The following PARM1 variants were observed in gnomAD, a reference collection of about 807,000 sequenced individuals.
The protein encoded by PARM1 is WSC4, cell wall integrity and stress response component 4 homolog.
Under a neutral mutation model 24.6 loss-of-function variants are expected in PARM1, and 14 were observed. The ratio of observed to expected loss-of-function variants is 0.57; its 90% confidence interval spans 0.38 to 0.89. PARM1 has a LOEUF of 0.89. PARM1 is among the 40% of genes least tolerant of loss of function. PARM1 has a pLI of 0.00. For missense variants in PARM1, 362 were observed against 380.4 expected (o/e 0.95, Z 0.40); for synonymous variants, 179 against 156.6 (o/e 1.14, Z -1.07).
chr4:75,019,988 C>T (rs553316653), intron 2 of PARM1, among the ~76,000 whole-genome samples: 17 of 115,636 alleles, frequency 1.5e-4, no homozygotes, highest in Non-Finnish European at 2.5e-4. Flanking sequence ...CCGGCCTGGG[C>T]GACAGAACGA....
At chr4:74,958,142 T>C (rs982946104) in intron 1 of PARM1, among the ~76,000 whole-genome samples, 2 of 152,182 alleles carry the variant, frequency 1.3e-5, no homozygotes, top group Non-Finnish European at 2.9e-5. Flanking sequence ...CATCTAAAAC[T>C]GCGTGTTCCA....
intron 1 of PARM1, among the ~76,000 whole-genome samples, chr4:74,966,572 A>T (rs1004747295): frequency 6.6e-6 from 1 of 152,154 alleles, no homozygotes; most frequent in African/African-American, 2.4e-5. Context: ...TCTTGCTGAG[A>T]CTGGACTAGG....
chr4:75,038,110 T>A (rs900726505), intron 3 of PARM1, among the ~76,000 whole-genome samples: 1 of 152,130 alleles, frequency 6.6e-6, no homozygotes, highest in Non-Finnish European at 1.5e-5. Flanking sequence ...AGAGACGGGG[T>A]TTCACCATGT....
chr4:74,971,611 C>G (rs1278294640), intron 1 of PARM1, among the ~76,000 whole-genome samples: 1 of 152,062 alleles, frequency 6.6e-6, no homozygotes, highest in Non-Finnish European at 1.5e-5. Flanking sequence ...TGATGAAATA[C>G]AGTCATGTTT....
intron 1 of PARM1, among the ~76,000 whole-genome samples, chr4:74,945,459 T>C (rs1721395417): frequency 6.6e-6 from 1 of 152,208 alleles, no homozygotes; most frequent in Admixed American, 6.5e-5. Context: ...AAAATAAGAT[T>C]TTAGAGAAGC....
chr4:74,948,333 A>G (rs1232049771), intron 1 of PARM1, among the ~76,000 whole-genome samples: 1 of 152,196 alleles, frequency 6.6e-6, no homozygotes, highest in Non-Finnish European at 1.5e-5. Context: ...AATCTCATGT[A>G]AACGTTAGTC....
intron 1 of PARM1, among the ~76,000 whole-genome samples, chr4:75,009,539 A>G (rs979001342): frequency 6.6e-6 from 1 of 152,216 alleles, no homozygotes; most frequent in African/African-American, 2.4e-5. Flanking sequence ...TCATAGGCAT[A>G]TGTTATGTTG....
Position 75,046,991 on chromosome 4 carries a change from A to G in PARM1, c.*744A>G, listed in dbSNP as rs377680041. 2.6e-5 allele frequency: 4 copies of G among 152,580 alleles called. No individual in the cohort carries two copies. Among genetic ancestry groups the G allele is most frequent in the African/African-American group, 2.4e-5 (1 of 41,570 alleles). The allele number at this position is 152,580 out of a possible 1,614,324, so 9.5% of individuals were successfully genotyped here. On this transcript the variant is annotated 3_prime_UTR_variant, in exon 4 of 4. Coordinates refer to ENST00000307428, the MANE Select transcript of PARM1 (RefSeq NM_015393.4). ...AAGGCAGCTGGGATCCCAGCCCACAAGTGATCAGCAGAGTTGCATTTCCAA... is the reference window on the plus strand; with the variant it reads ...AAGGCAGCTGGGATCCCAGCCCACAGGTGATCAGCAGAGTTGCATTTCCAA...
Position 75,047,878 on chromosome 4 carries a change from G to A in PARM1, c.*1631G>A, listed in dbSNP as rs2109820597. On this transcript the variant is annotated 3_prime_UTR_variant, in exon 4 of 4. Transcript: ENST00000307428. Reference sequence around the variant, plus strand: ...CCTTTTTATTTCTGTGTGCTTCCTAGAGAGCTTTATTTCATGGCGACAACT... The same window carrying A: ...CCTTTTTATTTCTGTGTGCTTCCTAAAGAGCTTTATTTCATGGCGACAACT... 6.6e-6 allele frequency: 1 copy of A among 152,276 alleles called. No homozygotes were observed. The allele number at this position is 152,276 out of a possible 1,614,324, so 9.4% of individuals were successfully genotyped here.
chr4:74,980,167 A>T (rs185728849), intron 1 of PARM1, among the ~76,000 whole-genome samples: 1 of 152,316 alleles, frequency 6.6e-6, no homozygotes, highest in African/African-American at 2.4e-5. Flanking sequence ...GAAGAGAAAA[A>T]GTCAAACTGT....
Position 74,952,942 on chromosome 4 carries a change from C to T in PARM1, c.43+19572C>T, listed in dbSNP as rs568533972. ...TCTTTAAAAGAAGGAGACCAAATAACATTGAAATAATTTCTTAAGAGAAAA... is the reference window on the plus strand; with the variant it reads ...TCTTTAAAAGAAGGAGACCAAATAATATTGAAATAATTTCTTAAGAGAAAA... On this transcript the variant is annotated intron_variant, in intron 1 of 3. Coordinates refer to ENST00000307428, the MANE Select transcript of PARM1 (RefSeq NM_015393.4). Among the ~76,000 whole-genome samples, 179 of 152,286 alleles carry T rather than the reference C, an allele frequency of 1.2e-3. 1 individual carries two copies. The highest frequency in any genetic ancestry group is 4.1e-3 in the African/African-American group (171 of 41,562).
chr4:74,941,335 G>A (rs933400525), intron 1 of PARM1, among the ~76,000 whole-genome samples: 7 of 152,088 alleles, frequency 4.6e-5, no homozygotes, highest in African/African-American at 7.2e-5. Flanking sequence ...ATCAAATTAC[G>A]TGCAGAAATG....
At chr4:74,936,554 C>T (rs934352974) in intron 1 of PARM1, among the ~76,000 whole-genome samples, 2 of 151,340 alleles carry the variant, frequency 1.3e-5, no homozygotes, top group East Asian at 1.9e-4. Context: ...CCCGGGTTCA[C>T]GCCATTCTCC....
Position 75,048,209 on chromosome 4 carries a change from T to G in PARM1, c.*1962T>G, listed in dbSNP as rs2109820877. On this transcript the variant is annotated 3_prime_UTR_variant, in exon 4 of 4. Transcript: ENST00000307428. ...CAACCTGCCAACCCACACACTGGAG[T>G]AATTCTGAAAAAAATTATTCCTAAA... is the stretch of plus-strand genomic sequence containing the variant. 1 of 152,074 alleles carries G rather than the reference T, an allele frequency of 6.6e-6. No individual in the cohort carries two copies. The allele number at this position is 152,074 out of a possible 1,614,324, so 9.4% of individuals were successfully genotyped here.
chr4:74,958,314 T>G (rs1239504173), intron 1 of PARM1, among the ~76,000 whole-genome samples: 2 of 152,208 alleles, frequency 1.3e-5, no homozygotes, highest in Admixed American at 6.5e-5. Flanking sequence ...TCATCTTTAA[T>G]GTACTAACAG....
chr4:75,014,727 G>A (rs1368257152), intron 2 of PARM1, among the ~76,000 whole-genome samples: 1 of 152,202 alleles, frequency 6.6e-6, no homozygotes, highest in African/African-American at 2.4e-5. Context: ...AGAGAAGGGT[G>A]GAGAGTGGAT....
At chr4:74,989,629 G>T (rs1722425131) in intron 1 of PARM1, among the ~76,000 whole-genome samples, 1 of 152,018 alleles carries the variant, frequency 6.6e-6, no homozygotes, top group Non-Finnish European at 1.5e-5. Context: ...TAAATCATTG[G>T]CCACTGATGA....
At position 75,013,140 on chromosome 4, in the gene PARM1, A is replaced by G. The variant is rs762143287; in HGVS notation, c.759A>G (p.Ala253=). The change falls in exon 2 of 4, where the codon GCA becomes GCG. Residue 253 remains alanine (A), a synonymous_variant. Transcript: ENST00000307428. ...PRVIMQEVEH[A]LSSGSIAAIT... ...TGATCATGCAGGAAGTAGAACATGC[A>G]TTAAGTTCAGGTGAGTCTCTATCCA... 4.3e-6 allele frequency: 7 copies of G among 1,612,188 alleles called. No individual in the cohort carries two copies. Among genetic ancestry groups the G allele is most frequent in the African/African-American group, 1.3e-5 (1 of 75,052 alleles).
rs546068550 is a variant in PARM1 at position 74,980,434 on chromosome 4, G to A, written c.44-31991G>A. On this transcript the variant is annotated intron_variant, in intron 1 of 3. Transcript: ENST00000307428. ...GGGAAGTGAAGGACCACTTCAAGCAGAACTACAAACCACTTCTCAAGGAAA... is the reference window on the plus strand; with the variant it reads ...GGGAAGTGAAGGACCACTTCAAGCAAAACTACAAACCACTTCTCAAGGAAA... Among the ~76,000 whole-genome samples, 3 of 152,182 alleles carry A rather than the reference G, an allele frequency of 2.0e-5. No homozygotes were observed. The East Asian group carries it at 5.8e-4, about 29-fold the overall frequency.
Sources: allele counts gnomAD v4.1 joint callset (sites outside exome capture counted in the v4.1 genomes callset), GRCh38; gene constraint gnomAD v4.1.1; transcripts MANE v1.5; gene names NCBI Gene and HGNC (gene_info 2026-07-23, HGNC 2026-07-21).